EFNA5: variants seen among roughly 807,000 people sequenced by gnomAD.
EFNA5 encodes ephrin A5, also known as ephrin-A5.
In EFNA5, 5 loss-of-function variants were observed where a neutral mutation model predicts 22.9. The ratio of observed to expected loss-of-function variants is 0.22; its 90% CI spans 0.11 to 0.46. EFNA5 has a LOEUF of 0.46. EFNA5 is among the 20% of genes least tolerant of loss of function. The pLI is 0.99. For missense variants in EFNA5, 237 were observed against 293.3 expected (o/e 0.81, Z 1.40); for synonymous variants, 113 against 112.2 (o/e 1.01, Z -0.04).
chr5:107,453,688 C>T (rs1389784174), intron 1 of EFNA5, among the ~76,000 whole-genome samples: 1 of 152,134 alleles, frequency 6.6e-6, no homozygotes, highest in Non-Finnish European at 1.5e-5. Flanking sequence ...ATTTAAAATA[C>T]ATGAGAAATC....
At chr5:107,637,669 T>C (rs551642248) in intron 1 of EFNA5, among the ~76,000 whole-genome samples, 43 of 148,980 alleles carry the variant, frequency 2.9e-4, no homozygotes, top group African/African-American at 1.0e-3. Flanking sequence ...AAACTGATTA[T>C]ATATATACTA....
At chr5:107,596,691 T>C (rs1749478962) in intron 1 of EFNA5, among the ~76,000 whole-genome samples, 1 of 152,116 alleles carries the variant, frequency 6.6e-6, no homozygotes, top group South Asian at 2.1e-4. Context: ...ACCTATAAAA[T>C]TGAAATGTCT....
intron 1 of EFNA5, among the ~76,000 whole-genome samples, chr5:107,437,717 T>C (rs1222165071): frequency 6.6e-6 from 1 of 152,120 alleles, no homozygotes. Flanking sequence ...AGCTGAAGGG[T>C]ATGAGAAGTG....
At chr5:107,420,282 A>C (rs781340416) in intron 2 of EFNA5, among the ~76,000 whole-genome samples, 1 of 152,162 alleles carries the variant, frequency 6.6e-6, no homozygotes, top group Non-Finnish European at 1.5e-5. Flanking sequence ...CTTTTCAAAA[A>C]ATGCAAAACT....
chr5:107,634,895 T>C (rs1260489333), intron 1 of EFNA5, among the ~76,000 whole-genome samples: 1 of 152,182 alleles, frequency 6.6e-6, no homozygotes, highest in Non-Finnish European at 1.5e-5. Flanking sequence ...CCAGTAAGGA[T>C]GTTGACAAAT....
At position 107,515,362 on chromosome 5, in the gene EFNA5, TTTATTATTA is replaced by T. The variant is rs70996961; in HGVS notation, c.126-87862_126-87854del. 1.6e-3 allele frequency among the ~76,000 whole-genome samples: 220 copies of T among 141,308 alleles called. 1 individual carries two copies. The highest frequency in any genetic ancestry group is 4.1e-3 in the African/African-American group (158 of 38,140). 92.7% of individuals were successfully genotyped at this position (141,308 alleles called of 152,430 possible). ...TCAAGACATGGTTTTTATTTTTTAT[TTTATTATTA>T]TTATTATTATTATTATTATTATTAT... On this transcript the variant is annotated intron_variant, in intron 1 of 4. Transcript: ENST00000333274.
At chr5:107,475,932 A>G (rs777251438) in intron 1 of EFNA5, among the ~76,000 whole-genome samples, 1 of 149,988 alleles carries the variant, frequency 6.7e-6, no homozygotes, top group Non-Finnish European at 1.5e-5. Flanking sequence ...TACAAGAGTG[A>G]ATTTCAAACT....
At chr5:107,430,109 G>A (rs1271328240) in intron 1 of EFNA5, among the ~76,000 whole-genome samples, 1 of 152,142 alleles carries the variant, frequency 6.6e-6, no homozygotes, top group Non-Finnish European at 1.5e-5. Flanking sequence ...CAATGACCAC[G>A]AGTTTACTTT....
At chr5:107,509,817 A>G (rs1198152695) in intron 1 of EFNA5, among the ~76,000 whole-genome samples, 6 of 152,350 alleles carry the variant, frequency 3.9e-5, no homozygotes, top group East Asian at 1.9e-4. Flanking sequence ...CAGATGCTCA[A>G]TAAATATCTG....
intron 1 of EFNA5, among the ~76,000 whole-genome samples, chr5:107,579,559 C>T (rs1181533070): frequency 1.3e-5 from 2 of 151,820 alleles, no homozygotes; most frequent in South Asian, 4.2e-4. Flanking sequence ...AAAAAGACCA[C>T]CCTTGAATAA....
intron 2 of EFNA5, among the ~76,000 whole-genome samples, chr5:107,407,435 T>G (rs1208420433): frequency 6.6e-6 from 1 of 152,160 alleles, no homozygotes; most frequent in Non-Finnish European, 1.5e-5. Context: ...TTTTACAAAT[T>G]TAGAAACTAA....
At chr5:107,528,035 A>G (rs1747733663) in intron 1 of EFNA5, among the ~76,000 whole-genome samples, 1 of 152,236 alleles carries the variant, frequency 6.6e-6, no homozygotes, top group Non-Finnish European at 1.5e-5. Flanking sequence ...ATGGACAGGA[A>G]GAAACAGTGT....
intron 1 of EFNA5, among the ~76,000 whole-genome samples, chr5:107,657,660 G>A (rs1453464892): frequency 6.6e-6 from 1 of 152,024 alleles, no homozygotes; most frequent in African/African-American, 2.4e-5. Context: ...ATACTTAAGT[G>A]GTCACTGTCC....
At chr5:107,508,396 C>G (rs1561416989) in intron 1 of EFNA5, among the ~76,000 whole-genome samples, 1 of 152,210 alleles carries the variant, frequency 6.6e-6, no homozygotes, top group African/African-American at 2.4e-5. Flanking sequence ...CACAAACACA[C>G]ACACAGACGA....
At position 107,496,351 on chromosome 5, in the gene EFNA5, A is replaced by AC. The variant is rs1263142964; in HGVS notation, c.126-68843_126-68842insG. 2.2e-3 allele frequency among the ~76,000 whole-genome samples: 327 copies of AC among 149,628 alleles called. 6 individuals are homozygous for AC. Among genetic ancestry groups the AC allele is most frequent in the African/African-American group, 7.8e-3 (312 of 40,190 alleles). On this transcript the variant is annotated intron_variant, in intron 1 of 4. Transcript: ENST00000333274. ...AATTCCATCTCAAAAAAAAAAAAAA[A>AC]AACAAAAAAACAAAAAACAACAACT...
chr5:107,617,033 CT>C lies in EFNA5; in HGVS notation c.125+53455del, dbSNP rs778751164. On this transcript the variant is annotated intron_variant, in intron 1 of 4. Transcript: ENST00000333274. ...GAAACTCTGACCCACCCTTAATGTA[CT>C]TTTATGGAAGGATCACCAAGAACCA... 3.6e-3 allele frequency among the ~76,000 whole-genome samples: 541 copies of C among 152,214 alleles called. 3 individuals are homozygous for C. The highest frequency in any genetic ancestry group is 6.1e-3 in the Non-Finnish European group (413 of 68,008).
chr5:107,591,978 TATATAATATATAA>T (rs1749363742), intron 1 of EFNA5, among the ~76,000 whole-genome samples: 1 of 42,490 alleles, frequency 2.4e-5, no homozygotes, highest in African/African-American at 1.3e-4. Context: ...ATATATATAA[TATATAATATATAA>T]TATATATAAT....
intron 1 of EFNA5, among the ~76,000 whole-genome samples, chr5:107,661,932 T>C (rs1750969537): frequency 6.6e-6 from 1 of 152,160 alleles, no homozygotes. Context: ...CATATAAAAA[T>C]ACTTTCATTT....
intron 1 of EFNA5, among the ~76,000 whole-genome samples, chr5:107,462,130 C>T (rs1749850389): frequency 6.6e-6 from 1 of 151,958 alleles, no homozygotes; most frequent in Non-Finnish European, 1.5e-5. Flanking sequence ...ACACACACAC[C>T]CCACGCAAAA....
Sources: allele counts gnomAD v4.1 joint callset (sites outside exome capture counted in the v4.1 genomes callset), GRCh38; gene constraint gnomAD v4.1.1; transcripts MANE v1.5; gene names NCBI Gene and HGNC (gene_info 2026-07-23, HGNC 2026-07-21).